CD109: variants seen among roughly 807,000 people sequenced by gnomAD.
CD109 encodes the protein CD109 molecule, also known as CD109 antigen.
A neutral mutation model predicts 165.8 loss-of-function variants in CD109; 149 were observed. The observed-to-expected ratio is 0.90, with a 90% CI of 0.79 to 1.03. The LOEUF (loss-of-function observed/expected upper bound fraction) is 1.03. Ranked by LOEUF, CD109 falls within the 50% of genes least tolerant of loss-of-function variation. The probability of loss-of-function intolerance (pLI) is 0.00; values close to 1 mark genes in which losing one functional copy is unlikely to be tolerated. For missense variants in CD109, 1,712 were observed against 1,677.8 expected, an observed-to-expected ratio of 1.02 and a Z score of -0.36; for synonymous variants, 585 against 592.1, an observed-to-expected ratio of 0.99 and a Z score of 0.18.
At chr6:73,794,352 T>A (rs1055807214) in intron 23 of CD109, among the ~76,000 whole-genome samples, 4 of 152,126 alleles carry the variant, frequency 2.6e-5, no homozygotes, top group Non-Finnish European at 5.9e-5. Flanking sequence ...TGGGATATGA[T>A]GGAAAGGACC....
Position 73,818,506 on chromosome 6 carries a change from C to A in CD109, c.4030C>A (p.His1344Asn). 1 of 1,613,012 alleles carries A rather than the reference C, an allele frequency of 6.2e-7. No individual in the cohort carries two copies. Among genetic ancestry groups the A allele is most frequent in the Non-Finnish European group, 8.5e-7 (1 of 1,179,748 alleles). ...GACAGTGAAGAAAGTGGAATATGAT[C>A]ATGGAAAACTCAACCTCTATTTAGA... ...SETVKKVEYDHGKLNLYLDSV... is the reference protein window; with the variant it reads ...SETVKKVEYDNGKLNLYLDSV... The change falls in exon 31 of 33, where the codon CAT (histidine) becomes AAT (asparagine). Residue 1344 changes from histidine (H) to asparagine (N), a missense_variant. By Grantham distance (68) the His-to-Asn change is moderately conservative. Coordinates refer to ENST00000287097, the MANE Select transcript of CD109 (RefSeq NM_133493.5).
At chr6:73,717,711 C>T (rs1248154621) in intron 2 of CD109, among the ~76,000 whole-genome samples, 1 of 150,134 alleles carries the variant, frequency 6.7e-6, no homozygotes, top group African/African-American at 2.5e-5. Flanking sequence ...ACTCCGCCTC[C>T]CGGGTTCAGG....
intron 1 of CD109, 50 bp downstream of exon 1, chr6:73,696,339 CTCT>C (rs2150141218): frequency 7.4e-7 from 1 of 1,353,512 alleles, no homozygotes; most frequent in East Asian, 3.0e-5. Flanking sequence ...GCCTGGGCCG[CTCT>C]GCGGCTCTGG....
intron 23 of CD109, among the ~76,000 whole-genome samples, chr6:73,795,579 G>T (rs142510020): frequency 6.6e-6 from 1 of 152,308 alleles, no homozygotes; most frequent in African/African-American, 2.4e-5. Flanking sequence ...ACATCTGTTG[G>T]TTGTTAGAAG....
rs566119613 is a variant in CD109 at position 73,800,703 on chromosome 6, T to C, written c.2879-2517T>C. On this transcript the variant is annotated intron_variant, in intron 23 of 32. Transcript: ENST00000287097. ...TGAATGTGTTTTCTATATTAAGATT[T>C]GTTTTTATATTTTTGTCTTTTGTGA... 3.3e-5 allele frequency among the ~76,000 whole-genome samples: 5 copies of C among 152,354 alleles called. No individual in the cohort carries two copies. The South Asian group carries it at 6.2e-4, about 19-fold the overall frequency.
At chr6:73,722,153 A>AT (rs1231636765) in intron 2 of CD109, among the ~76,000 whole-genome samples, 2 of 152,252 alleles carry the variant, frequency 1.3e-5, no homozygotes, top group Non-Finnish European at 2.9e-5. Flanking sequence ...GTACTCTATC[A>AT]TAAAAATTTG....
At chr6:73,719,160 G>A (rs1771855324) in intron 2 of CD109, among the ~76,000 whole-genome samples, 1 of 152,070 alleles carries the variant, frequency 6.6e-6, no homozygotes, top group Admixed American at 6.5e-5. Context: ...TACACTTGCT[G>A]CTTATTTCAG....
At chr6:73,790,819 A>G (rs1485697690) in intron 22 of CD109, among the ~76,000 whole-genome samples, 1 of 152,062 alleles carries the variant, frequency 6.6e-6, no homozygotes, top group Non-Finnish European at 1.5e-5. Context: ...TTCAAATGCT[A>G]ATGTCATCTA....
At chr6:73,736,241 C>G in intron 4 of CD109, 142 bp from the exon 5 acceptor site, 1 of 756,862 alleles carries the variant, frequency 1.3e-6, no homozygotes, top group Non-Finnish European at 2.1e-6. Flanking sequence ...TCACATCCTG[C>G]CATCCAGCCA....
At chr6:73,700,258 T>C in intron 2 of CD109, among the ~76,000 whole-genome samples, 1 of 151,934 alleles carries the variant, frequency 6.6e-6, no homozygotes, top group East Asian at 1.9e-4. Context: ...TAAAATTTTT[T>C]TTTTTTTTGT....
intron 8 of CD109, 114 bp from the exon 9 acceptor site, chr6:73,762,627 A>G: frequency 1.0e-6 from 1 of 989,482 alleles, no homozygotes; most frequent in Non-Finnish European, 1.5e-6. Flanking sequence ...TTATGCAATT[A>G]TAGCGATTAA....
At chr6:73,820,092 A>G (rs1463461526) in intron 31 of CD109, among the ~76,000 whole-genome samples, 3 of 152,106 alleles carry the variant, frequency 2.0e-5, no homozygotes, top group South Asian at 2.1e-4. Context: ...CATGGCTTGC[A>G]TGAGCTGAGG....
chr6:73,691,861 AAAG>A (rs1230932952), upstream of CD109, among the ~76,000 whole-genome samples: 1 of 152,214 alleles, frequency 6.6e-6, no homozygotes, highest in Non-Finnish European at 1.5e-5. Flanking sequence ...CTTATAAAGA[AAAG>A]AAGTTTAATT....
intron 15 of CD109, among the ~76,000 whole-genome samples, chr6:73,776,530 G>T (rs181903480): frequency 6.7e-6 from 1 of 149,614 alleles, no homozygotes. Flanking sequence ...GGGATTGCAG[G>T]CGTGAGCCAC....
intron 2 of CD109, among the ~76,000 whole-genome samples, chr6:73,701,821 A>G (rs1562018728): frequency 6.6e-6 from 1 of 152,144 alleles, no homozygotes; most frequent in Admixed American, 6.5e-5. Flanking sequence ...GTGGCTCACA[A>G]CCGTAATCCC....
intron 1 of CD109, among the ~76,000 whole-genome samples, chr6:73,696,933 C>G (rs970964560): frequency 6.6e-6 from 1 of 152,096 alleles, no homozygotes; most frequent in African/African-American, 2.4e-5. Flanking sequence ...ATTTTTTACC[C>G]TCGTTGGGCA....
intron 5 of CD109, among the ~76,000 whole-genome samples, chr6:73,737,784 C>G (rs962443331): frequency 2.0e-5 from 3 of 152,064 alleles, no homozygotes; most frequent in Non-Finnish European, 4.4e-5. Flanking sequence ...TGGAAGAGAA[C>G]GTTATGTGTC....
chr6:73,802,117 C>T (rs1434207034), intron 23 of CD109, among the ~76,000 whole-genome samples: 2 of 151,954 alleles, frequency 1.3e-5, no homozygotes, highest in East Asian at 3.9e-4. Flanking sequence ...GAAACATCTG[C>T]TTTTTATTTG....
chr6:73,752,237 T>C (rs1026730780), intron 5 of CD109, among the ~76,000 whole-genome samples: 9 of 152,242 alleles, frequency 5.9e-5, no homozygotes, highest in Non-Finnish European at 1.2e-4. Context: ...TTAAAATATA[T>C]TTTTTAATGG....
Sources: allele counts gnomAD v4.1 joint callset (sites outside exome capture counted in the v4.1 genomes callset), GRCh38; gene constraint gnomAD v4.1.1; transcripts MANE v1.5; gene names NCBI Gene and HGNC (gene_info 2026-07-23, HGNC 2026-07-21).